CDC42BPA: variants seen among roughly 807,000 people sequenced by gnomAD.
CDC42BPA encodes serine/threonine-protein kinase MRCK alpha.
Under a neutral mutation model 223.5 loss-of-function variants are expected in CDC42BPA, and 80 were observed. The ratio of observed to expected loss-of-function variants is 0.36; its 90% CI spans 0.30 to 0.43. The LOEUF (loss-of-function observed/expected upper bound fraction) is 0.43, where lower values mean the gene tolerates loss of function less well. CDC42BPA is among the 20% of genes least tolerant of loss of function. The pLI is 1.00. For synonymous variants in CDC42BPA, 694 were observed against 718.6 expected (o/e 0.97, Z 0.55); for missense variants, 1,743 against 2,099.9 (o/e 0.83, Z 3.32).
intron 10 of CDC42BPA, among the ~76,000 whole-genome samples, chr1:227,133,045 T>A (rs1388841760): frequency 7.2e-6 from 1 of 139,400 alleles, no homozygotes; most frequent in African/African-American, 2.8e-5. Context: ...GAGGTGGGGG[T>A]CAGCCCCCAC....
intron 1 of CDC42BPA, among the ~76,000 whole-genome samples, chr1:227,285,494 AAT>A (rs1688666337): frequency 6.6e-6 from 1 of 152,232 alleles, no homozygotes; most frequent in African/African-American, 2.4e-5. Flanking sequence ...AACAGACCCA[AAT>A]TCCATCCATC....
intron 7 of CDC42BPA, among the ~76,000 whole-genome samples, 193 bp from the exon 8 acceptor site, chr1:227,145,930 CAT>C (rs1321339932): frequency 1.3e-5 from 2 of 152,126 alleles, no homozygotes; most frequent in African/African-American, 4.8e-5. Context: ...CTTTTAATTT[CAT>C]ATATGACTCA....
rs771846936 is a variant in CDC42BPA at position 227,112,378 on chromosome 1, G to C, written c.1935C>G (p.Asp645Glu). The C allele has an allele frequency of 6.8e-6, 11 of 1,606,722 alleles. No individual in the cohort carries two copies. In the East Asian group the frequency reaches 2.5e-4, roughly 36 times the overall value. Reference sequence around the variant, plus strand: ...GCTCACTCTGTTCACGTAGCTTCCTGTCTTTAGATGCTTCAGCAGCTAGAG... The same window carrying C: ...GCTCACTCTGTTCACGTAGCTTCCTCTCTTTAGATGCTTCAGCAGCTAGAG... ...TEALAAEASKDRKLREQSEHY... is the reference protein window; with the variant it reads ...TEALAAEASKERKLREQSEHY... Residue 645 changes from aspartate to glutamate, a missense_variant, in exon 14 of 37, where the codon GAC becomes GAG. Asp to Glu is a conservative substitution (Grantham distance 45). Coordinates refer to ENST00000366766, the MANE Select transcript of CDC42BPA (RefSeq NM_001394014.1).
chr1:227,293,197 A>G (rs949143355), intron 1 of CDC42BPA, among the ~76,000 whole-genome samples: 1 of 152,248 alleles, frequency 6.6e-6, no homozygotes, highest in African/African-American at 2.4e-5. Flanking sequence ...GCTGGTAAGC[A>G]AAACAGACAC....
At chr1:227,030,979 A>C (rs1002477744) in intron 28 of CDC42BPA, among the ~76,000 whole-genome samples, 1 of 152,146 alleles carries the variant, frequency 6.6e-6, no homozygotes, top group Non-Finnish European at 1.5e-5. Context: ...GGTAATTACC[A>C]TCTGTATTTT....
At chr1:227,179,649 A>AAAG (rs1667590831) in intron 5 of CDC42BPA, among the ~76,000 whole-genome samples, 4 of 149,672 alleles carry the variant, frequency 2.7e-5, no homozygotes, top group African/African-American at 9.8e-5. Context: ...AAAAAAAAAA[A>AAAG]AAAAAAAAAA....
At chr1:226,999,978 T>G (rs1449924441) in intron 35 of CDC42BPA, among the ~76,000 whole-genome samples, 1 of 151,858 alleles carries the variant, frequency 6.6e-6, no homozygotes, top group Non-Finnish European at 1.5e-5. Context: ...AGGGATAGCA[T>G]TAAGAGAAAT....
At chr1:227,007,076 A>G (rs1664258759) in intron 34 of CDC42BPA, among the ~76,000 whole-genome samples, 1 of 152,198 alleles carries the variant, frequency 6.6e-6, no homozygotes, top group African/African-American at 2.4e-5. Context: ...TGGAAATGCA[A>G]TGAAAAAAAA....
chr1:227,071,861 T>C (rs1678448400), intron 20 of CDC42BPA, among the ~76,000 whole-genome samples: 1 of 151,656 alleles, frequency 6.6e-6, no homozygotes, highest in Admixed American at 6.6e-5. Flanking sequence ...GAGAATATTA[T>C]AAAGTACATT....
At chr1:227,085,525 T>G (rs565919961) in intron 16 of CDC42BPA, among the ~76,000 whole-genome samples, 1 of 152,366 alleles carries the variant, frequency 6.6e-6, no homozygotes, top group East Asian at 1.9e-4. Context: ...GGTGTGCATT[T>G]TGAACCTGTA....
chr1:227,228,886 G>A (rs1044749172), intron 2 of CDC42BPA, among the ~76,000 whole-genome samples: 1 of 152,092 alleles, frequency 6.6e-6, no homozygotes, highest in Non-Finnish European at 1.5e-5. Flanking sequence ...TGCTTTTATT[G>A]CTGAGTTGCA....
chr1:227,177,939 A>AG lies in CDC42BPA; in HGVS notation c.599+15846_599+15847insC, dbSNP rs1406594222. 4.0e-5 allele frequency among the ~76,000 whole-genome samples: 6 copies of AG among 148,510 alleles called. No individual in the cohort carries two copies. The East Asian group carries it at 7.8e-4, about 19-fold the overall frequency. On this transcript the variant is annotated intron_variant, in intron 5 of 36. Coordinates refer to ENST00000366766, the MANE Select transcript of CDC42BPA (RefSeq NM_001394014.1). ...CTCCTTTGTCCTCTCAAAGACATTTAATTTTTTTTTCCAATACTGTATTTT... is the reference window on the plus strand; with the variant it reads ...CTCCTTTGTCCTCTCAAAGACATTTAGATTTTTTTTTCCAATACTGTATTTT...
intron 15 of CDC42BPA, among the ~76,000 whole-genome samples, chr1:227,092,894 A>AC (rs1339806918): frequency 6.6e-6 from 1 of 152,126 alleles, no homozygotes; most frequent in African/African-American, 2.4e-5. Context: ...ATGCCCTATT[A>AC]CCCCTAAATA....
At chr1:227,229,220 C>T (rs1677387100) in intron 2 of CDC42BPA, among the ~76,000 whole-genome samples, 1 of 152,170 alleles carries the variant, frequency 6.6e-6, no homozygotes, top group Non-Finnish European at 1.5e-5. Context: ...AGTCCAACTT[C>T]ATTCTTTCAC....
At chr1:227,303,256 A>T (rs1691976776) in intron 1 of CDC42BPA, among the ~76,000 whole-genome samples, 1 of 152,226 alleles carries the variant, frequency 6.6e-6, no homozygotes, top group South Asian at 2.1e-4. Flanking sequence ...AGCCTCTGAT[A>T]TCTGCATCTC....
intron 31 of CDC42BPA, among the ~76,000 whole-genome samples, chr1:227,024,573 A>C (rs918178668): frequency 1.3e-5 from 2 of 152,230 alleles, no homozygotes; most frequent in Admixed American, 6.5e-5. Context: ...AGTAGTGCTA[A>C]GTTCACCCAA....
intron 1 of CDC42BPA, among the ~76,000 whole-genome samples, chr1:227,311,764 G>A (rs1693582402): frequency 6.6e-6 from 1 of 151,270 alleles, no homozygotes; most frequent in South Asian, 2.1e-4. Flanking sequence ...AAGTCAGACT[G>A]AAGTAGCAAC....
In CDC42BPA at chr1:227,317,171, T is replaced by C. The variant is rs747178171; in HGVS notation, c.12A>G (p.Glu4=). Residue 4 remains glutamate, a synonymous_variant, in exon 1 of 37, where the codon GAA becomes GAG. Transcript: ENST00000366766. MSG[E]VRLRQLEQFI... ...ACTGCTCCAACTGCCTCAAACGCAC[T>C]TCTCCAGACATGTTTGCTTCGATTT... 1 of 1,611,144 alleles carries C rather than the reference T, an allele frequency of 6.2e-7. No individual in the cohort carries two copies. Among genetic ancestry groups the C allele is most frequent in the African/African-American group, 1.3e-5 (1 of 74,830 alleles).
At chr1:227,213,614 CA>C (rs1353207057) in intron 2 of CDC42BPA, among the ~76,000 whole-genome samples, 1 of 151,974 alleles carries the variant, frequency 6.6e-6, no homozygotes, top group African/African-American at 2.4e-5. Context: ...ATAATGCATG[CA>C]AAATTCCAAC....
Sources: allele counts gnomAD v4.1 joint callset (sites outside exome capture counted in the v4.1 genomes callset), GRCh38; gene constraint gnomAD v4.1.1; transcripts MANE v1.5; gene names NCBI Gene and HGNC (gene_info 2026-07-23, HGNC 2026-07-21).